The following ADAMTS16 variants were observed in gnomAD, a reference collection of about 807,000 sequenced individuals.
ADAMTS16 encodes ADAM metallopeptidase with thrombospondin type 1 motif 16, also known as A disintegrin and metalloproteinase with thrombospondin motifs 16.
Under a neutral mutation model 145.8 loss-of-function variants are expected in ADAMTS16, and 94 were observed. That is an observed-to-expected ratio of 0.64 (90% CI 0.55 to 0.77). The LOEUF is 0.77. Among genes scored for constraint, ADAMTS16 ranks in the 30% least tolerant of loss-of-function variants. ADAMTS16 has a pLI of 0.00. For missense variants in ADAMTS16, 1,585 were observed against 1,591.5 expected, an observed-to-expected ratio of 1.00 and a Z score of 0.07; for synonymous variants, 659 against 604.3, an observed-to-expected ratio of 1.09 and a Z score of -1.33.
chr5:5,234,888 A>AAAAAAAAAG lies in ADAMTS16; in HGVS notation c.1851-126_1851-125insAAAAAAAAG, dbSNP rs33928110. ...CCATCTCAAAAAAAAAAAAAAAAAA[A>AAAAAAAAAG]GAATCCACTTTTTTCCTAATTACCC... On this transcript the variant is annotated intron_variant, in intron 12 of 22. Coordinates refer to ENST00000274181, the MANE Select transcript of ADAMTS16 (RefSeq NM_139056.4). 7.4e-5 allele frequency: 27 copies of AAAAAAAAAG among 366,480 alleles called. 2 individuals are homozygous for AAAAAAAAAG. The highest frequency in any genetic ancestry group is 1.3e-4 in the Admixed American group (2 of 14,860). 22.7% of individuals were successfully genotyped at this position (366,480 alleles called of 1,614,324 possible). A position where few individuals can be genotyped will look rare whatever the true frequency, so the allele number is the denominator to read the frequency against.
chr5:5,209,340 T>C (rs2126315874), intron 10 of ADAMTS16, 94 bp downstream of exon 10: 1 of 1,442,664 alleles, frequency 6.9e-7, no homozygotes, highest in East Asian at 2.4e-5. Context: ...ATTTATTGGG[T>C]ACCTACCAAA....
intron 3 of ADAMTS16, among the ~76,000 whole-genome samples, chr5:5,174,618 G>T (rs549926456): frequency 6.6e-6 from 1 of 152,104 alleles, no homozygotes; most frequent in South Asian, 2.1e-4. Context: ...GATCTTGTAG[G>T]CATGCTTCAT....
Position 5,140,746 on chromosome 5 carries a change from C to G in ADAMTS16, c.155C>G (p.Pro52Arg), listed in dbSNP as rs1018938800. The change falls in exon 2 of 23, where the codon CCG becomes CGG. Residue 52 changes from proline to arginine, a missense_variant. Pro to Arg is a moderately radical substitution (Grantham distance 103, BLOSUM62 -2). This residue lies in a region of ADAMTS16 where 453 missense variants were observed against 412.1 expected (regional missense o/e 1.10). Coordinates refer to ENST00000274181, the MANE Select transcript of ADAMTS16 (RefSeq NM_139056.4). ...VPRPPPPAER[P>R]GWMEKGEYDL... Reference sequence around the variant, plus strand: ...CGTCCTCCTCCACCCGCGGAGCGGCCGGGCTGGATGGAAAAGGGCGGTAAG... The same window carrying G: ...CGTCCTCCTCCACCCGCGGAGCGGCGGGGCTGGATGGAAAAGGGCGGTAAG... The G allele has an allele frequency of 1.7e-5, 26 of 1,566,256 alleles. No homozygotes were observed. Among genetic ancestry groups the G allele is most frequent in the Admixed American group, 5.6e-5 (3 of 53,252 alleles).
intron 3 of ADAMTS16, among the ~76,000 whole-genome samples, chr5:5,171,913 A>C (rs1247564955): frequency 6.6e-6 from 1 of 152,080 alleles, no homozygotes; most frequent in Non-Finnish European, 1.5e-5. Context: ...TTTCTTCCCT[A>C]GGAGATTTTT....
At chr5:5,315,615 G>C (rs6865155) in intron 21 of ADAMTS16, among the ~76,000 whole-genome samples, 125,734 of 152,132 alleles carry the variant, frequency 0.83, 52,163 homozygotes, top group East Asian at 1. Context: ...GTTCCTGTGA[G>C]CTGCTGTCTC....
At chr5:5,178,787 G>C (rs566272181) in intron 3 of ADAMTS16, among the ~76,000 whole-genome samples, 1 of 152,266 alleles carries the variant, frequency 6.6e-6, no homozygotes, top group South Asian at 2.1e-4. Flanking sequence ...CTGGGGGAAA[G>C]GAGAGATGGT....
intron 18 of ADAMTS16, among the ~76,000 whole-genome samples, chr5:5,295,526 A>G (rs1739496469): frequency 6.6e-6 from 1 of 152,236 alleles, no homozygotes; most frequent in Non-Finnish European, 1.5e-5. Flanking sequence ...ATCCCTGGGC[A>G]AGGCTGGCAC....
Position 5,192,311 on chromosome 5 carries a change from CCT to C in ADAMTS16, c.1313+524_1313+525del, listed in dbSNP as rs1735682843. 1.3e-5 allele frequency among the ~76,000 whole-genome samples: 2 copies of C among 152,154 alleles called. 1 individual carries two copies. Among genetic ancestry groups the C allele is most frequent in the South Asian group, 4.2e-4 (2 of 4,818 alleles). On this transcript the variant is annotated intron_variant, in intron 8 of 22. Coordinates refer to ENST00000274181, the MANE Select transcript of ADAMTS16 (RefSeq NM_139056.4). ...GAGGATAGCTGTATCTGTCCCGATT[CCT>C]CTGTCCCGTGTTTTGAACGTGGTCT...
In ADAMTS16 at chr5:5,319,339, T is replaced by C. The variant is rs879480746; in HGVS notation, c.*201T>C. 7.2e-6 allele frequency: 4 copies of C among 556,678 alleles called. No individual in the cohort carries two copies. The highest frequency in any genetic ancestry group is 1.3e-5 in the Non-Finnish European group (4 of 309,788). 34.5% of individuals were successfully genotyped at this position (556,678 alleles called of 1,614,324 possible). A position where few individuals can be genotyped will look rare whatever the true frequency, so the allele number is the denominator to read the frequency against. ...CAGACCTGTGTCCCCATGCACACAG[T>C]GTCTCCTGTCAGGCTGAAATGTGGC... On this transcript the variant is annotated 3_prime_UTR_variant, in exon 23 of 23. Transcript: ENST00000274181.
chr5:5,150,153 A>G (rs55743974), intron 3 of ADAMTS16, among the ~76,000 whole-genome samples: 2 of 152,344 alleles, frequency 1.3e-5, no homozygotes, highest in Non-Finnish European at 2.9e-5. Flanking sequence ...TACCCTAGTA[A>G]TGTCTGAAGT....
chr5:5,195,739 T>C (rs767899072), intron 8 of ADAMTS16, among the ~76,000 whole-genome samples: 11 of 152,226 alleles, frequency 7.2e-5, no homozygotes, highest in Middle Eastern at 6.3e-3. Flanking sequence ...CCCAAGTTTA[T>C]GGACCCAGTC....
chr5:5,257,396 C>T (rs1452493495), intron 17 of ADAMTS16, among the ~76,000 whole-genome samples: 17 of 152,246 alleles, frequency 1.1e-4, no homozygotes, highest in Admixed American at 8.5e-4. Context: ...ACTCTGCCCC[C>T]AAGAAATCTG....
intron 18 of ADAMTS16, among the ~76,000 whole-genome samples, chr5:5,294,304 C>A (rs1739445210): frequency 6.6e-6 from 1 of 152,146 alleles, no homozygotes; most frequent in Non-Finnish European, 1.5e-5. Context: ...TCTTTAAAAG[C>A]CTGCCTTTTC....
chr5:5,141,274 A>C (rs1028355617), intron 2 of ADAMTS16, among the ~76,000 whole-genome samples: 5 of 152,208 alleles, frequency 3.3e-5, no homozygotes, highest in Non-Finnish European at 7.3e-5. Flanking sequence ...TCCAACAATC[A>C]GGGCGTACTT....
rs145710066 is a variant in ADAMTS16, at chr5:5,285,248, G to C, written c.2790-18020G>C. On this transcript the variant is annotated intron_variant, in intron 18 of 22. Transcript: ENST00000274181. ...ACATTAACTCAGAATCTGGTGTGTT[G>C]ACCAACAGAAGCGTTATTTCTCTCT... Among the ~76,000 whole-genome samples, 421 of 152,298 alleles carry C rather than the reference G, an allele frequency of 2.8e-3. 2 individuals carry two copies. Among genetic ancestry groups the C allele is most frequent in the Non-Finnish European group, 4.4e-3 (297 of 68,020 alleles).
intron 7 of ADAMTS16, 130 bp from the exon 8 acceptor site, chr5:5,191,555 G>A: frequency 1.4e-6 from 1 of 731,668 alleles, no homozygotes; most frequent in South Asian, 1.5e-5. Flanking sequence ...GGTTGTCTAA[G>A]TGTTTCCCAT....
intron 3 of ADAMTS16, among the ~76,000 whole-genome samples, chr5:5,176,618 A>C (rs1735204188): frequency 6.6e-6 from 1 of 152,234 alleles, no homozygotes; most frequent in African/African-American, 2.4e-5. Context: ...AAAAAAAATC[A>C]CTGCTTCTCC....
At chr5:5,230,531 G>A (rs1176957118) in intron 11 of ADAMTS16, among the ~76,000 whole-genome samples, 1 of 152,206 alleles carries the variant, frequency 6.6e-6, no homozygotes. Context: ...AAGTGGACAA[G>A]CATTTATGTG....
intron 18 of ADAMTS16, among the ~76,000 whole-genome samples, chr5:5,280,414 C>T (rs1310889963): frequency 1.3e-5 from 2 of 152,174 alleles, no homozygotes; most frequent in African/African-American, 2.4e-5. Flanking sequence ...CTTATGACTA[C>T]TTAGTTGTAA....
Sources: allele counts gnomAD v4.1 joint callset (sites outside exome capture counted in the v4.1 genomes callset), GRCh38; gene constraint gnomAD v4.1.1; regional missense constraint gnomAD v4.1.1; transcripts MANE v1.5; gene names NCBI Gene and HGNC (gene_info 2026-07-23, HGNC 2026-07-21).